RALGDS: variants seen among roughly 807,000 people sequenced by gnomAD.
RALGDS encodes ral guanine nucleotide exchange factor.
A neutral mutation model predicts 99.8 loss-of-function variants in RALGDS; 44 were observed. The observed-to-expected ratio is 0.44, with a 90% CI of 0.35 to 0.57. The LOEUF is 0.57. RALGDS is among the 20% of genes least tolerant of loss of function. The pLI is 0.01. For missense variants in RALGDS, 1,022 were observed against 1,203.1 expected (o/e 0.85, Z 2.23); for synonymous variants, 529 against 505.0 (o/e 1.05, Z -0.64).
At chr9:133,119,162 G>A (rs1308858306) in intron 1 of RALGDS, among the ~76,000 whole-genome samples, 1 of 152,214 alleles carries the variant, frequency 6.6e-6, no homozygotes, top group East Asian at 1.9e-4. Flanking sequence ...TAGGGAAACA[G>A]GGATGCGGGG....
chr9:133,103,367 C>T (rs911257293), intron 11 of RALGDS, 105 bp from the exon 12 acceptor site: 54 of 1,409,876 alleles, frequency 3.8e-5, no homozygotes, highest in Non-Finnish European at 4.8e-5. Context: ...GGGCAGGGCA[C>T]GCACACCCCT....
intron 17 of RALGDS, 197 bp downstream of exon 17, chr9:133,100,071 G>A (rs539217783): frequency 1.2e-5 from 8 of 659,122 alleles, no homozygotes; most frequent in South Asian, 1.2e-4. Flanking sequence ...TCACGCCTAG[G>A]GAAGGGCACA....
chr9:133,132,235 A>T (rs1281136458), upstream of RALGDS, among the ~76,000 whole-genome samples: 1 of 152,240 alleles, frequency 6.6e-6, no homozygotes, highest in Non-Finnish European at 1.5e-5. Context: ...ACCAGCGAAG[A>T]GGTCACTGTC....
upstream of RALGDS, among the ~76,000 whole-genome samples, chr9:133,121,549 C>G (rs1831948624): frequency 6.6e-6 from 1 of 152,178 alleles, no homozygotes; most frequent in Admixed American, 6.5e-5. Context: ...TGTCACGCTG[C>G]TGCAGTGCGT....
At chr9:133,121,264 T>G (rs1421074443), upstream of RALGDS, 2 of 982,228 alleles carry the variant, frequency 2.0e-6, no homozygotes, top group Non-Finnish European at 2.4e-6. Context: ...CCGGCCCTGC[T>G]GATGTCAGGC....
intron 1 of RALGDS, chr9:133,129,293 C>T (rs189075018): frequency 1.9e-6 from 3 of 1,591,788 alleles, no homozygotes; most frequent in African/African-American, 1.3e-5. Flanking sequence ...AGGCCTGGCA[C>T]AAACCTGGCC....
At position 133,110,301 on chromosome 9, in the gene RALGDS, GA is replaced by G; in HGVS notation, c.482del (p.Phe161SerfsTer107). 1 of 1,613,394 alleles carries G rather than the reference GA, an allele frequency of 6.2e-7. No individual in the cohort carries two copies. Among genetic ancestry groups the G allele is most frequent in the Non-Finnish European group, 8.5e-7 (1 of 1,179,634 alleles). On this transcript the variant is annotated frameshift_variant, in exon 3 of 18. Coordinates refer to ENST00000372050, the MANE Select transcript of RALGDS (RefSeq NM_006266.4). LOFTEE classifies it high-confidence loss of function. ...TTTQQVLDLL[F>X]KRYGRCDALT... The stretch of plus-strand genomic sequence containing the variant: ...AGTGGAGGGCTCATGCTCACCTTTT[GA>G]ACAGCAGGTCCAGGACCTGTTGGGT...
intron 12 of RALGDS, 31 bp downstream of exon 12, chr9:133,103,198 TC>T: frequency 1.2e-6 from 2 of 1,613,522 alleles, no homozygotes; most frequent in Non-Finnish European, 1.7e-6. Context: ...TTTCCACCCC[TC>T]CCCAAGTCAG....
chr9:133,106,428 T>C (rs1346501409), intron 8 of RALGDS, among the ~76,000 whole-genome samples: 1 of 152,144 alleles, frequency 6.6e-6, no homozygotes, highest in Non-Finnish European at 1.5e-5. Flanking sequence ...GAGGGTTCTG[T>C]GGCTACAACA....
rs549247940 is a variant in RALGDS, at chr9:133,144,115, T to C, written c.18+4848A>G. On this transcript the variant is annotated intron_variant, in intron 1 of 17. Coordinates refer to the RALGDS transcript ENST00000393160. This position sits in a 1 kb window ranked among gnomAD's most constrained non-coding sequence, Gnocchi z 4.5. ...TCTATCTGCACAGACAGCCCACCCG[T>C]GCCCAGGGCTGCCTTCCGAGCACCC... 6.6e-6 allele frequency among the ~76,000 whole-genome samples: 1 copy of C among 152,242 alleles called. No homozygotes were observed. Among genetic ancestry groups the C allele is most frequent in the South Asian group, 2.1e-4 (1 of 4,832 alleles).
chr9:133,148,379 A>C (rs1186353310), intron 1 of RALGDS, among the ~76,000 whole-genome samples: 1 of 151,976 alleles, frequency 6.6e-6, no homozygotes, highest in Non-Finnish European at 1.5e-5. Flanking sequence ...ATCCCCGCCC[A>C]TCAAGCTGGC....
intron 17 of RALGDS, chr9:133,098,971 T>G: frequency 1.7e-6 from 1 of 580,564 alleles, no homozygotes; most frequent in Non-Finnish European, 3.1e-6. Context: ...ATGACTCTTG[T>G]TTAAACAGGG....
intron 1 of RALGDS, among the ~76,000 whole-genome samples, chr9:133,113,025 T>C (rs1831425609): frequency 6.6e-6 from 1 of 152,004 alleles, no homozygotes; most frequent in Admixed American, 6.6e-5. Context: ...GAGACAGACT[T>C]CCCCCACCTG....
chr9:133,129,828 T>C (rs1564250935), intron 1 of RALGDS, among the ~76,000 whole-genome samples: 1 of 146,182 alleles, frequency 6.8e-6, no homozygotes, highest in Non-Finnish European at 1.5e-5. Context: ...TTTTTTTTTT[T>C]TCCCTGAGAT....
At chr9:133,122,542 G>A (rs189708761), upstream of RALGDS, among the ~76,000 whole-genome samples, 4 of 152,296 alleles carry the variant, frequency 2.6e-5, no homozygotes, top group South Asian at 2.1e-4. Context: ...GGAGTGAGGC[G>A]GCAGTTCATC....
chr9:133,126,838 G>T (rs544782033), intron 1 of RALGDS, among the ~76,000 whole-genome samples: 1 of 152,310 alleles, frequency 6.6e-6, no homozygotes, highest in African/African-American at 2.4e-5. Flanking sequence ...GGCATCTTAA[G>T]TCACTCTCTG....
At chr9:133,113,818 C>T (rs895564037) in intron 1 of RALGDS, among the ~76,000 whole-genome samples, 3 of 152,208 alleles carry the variant, frequency 2.0e-5, no homozygotes, top group African/African-American at 7.2e-5. Context: ...CACATCTGGA[C>T]CAGCTGGGAG....
chr9:133,128,373 G>A (rs1832229505), intron 1 of RALGDS, among the ~76,000 whole-genome samples: 1 of 152,116 alleles, frequency 6.6e-6, no homozygotes, highest in Admixed American at 6.5e-5. Context: ...AGGCCCAGAG[G>A]GTCCCATAGT....
At chr9:133,133,765 G>A (rs1215769796), upstream of RALGDS, among the ~76,000 whole-genome samples, 1 of 152,354 alleles carries the variant, frequency 6.6e-6, no homozygotes, top group South Asian at 2.1e-4. Context: ...CACGCCGGGT[G>A]GCCTGGGATA....
Sources: gnomAD v4.1 joint callset for allele counts (sites outside exome capture counted in the v4.1 genomes callset) on GRCh38, gnomAD v4.1.1 for gene constraint, Gnocchi (gnomAD v3.1) non-coding constraint, MANE v1.5 for transcripts, NCBI Gene and HGNC (gene_info 2026-07-23, HGNC 2026-07-21) for gene names.